The following ARHGAP6 variants were observed in gnomAD, a reference collection of about 807,000 sequenced individuals.
ARHGAP6 encodes Rho GTPase activating protein 6.
In ARHGAP6, 16 loss-of-function variants were observed where a neutral mutation model predicts 55.7. The ratio of observed to expected loss-of-function variants is 0.29; its 90% CI spans 0.19 to 0.44. ARHGAP6 has a LOEUF of 0.44. Among genes scored for constraint, ARHGAP6 ranks in the 20% least tolerant of loss-of-function variants. The pLI, the probability that ARHGAP6 is intolerant of heterozygous loss-of-function variation, is 1.00. For missense variants in ARHGAP6, 698 were observed against 808.9 expected (o/e 0.86, Z 1.66); for synonymous variants, 382 against 360.9 (o/e 1.06, Z -0.66).
intron 1 of ARHGAP6, among the ~76,000 whole-genome samples, chrX:11,402,765 G>A (rs1189024699): frequency 8.9e-6 from 1 of 111,891 alleles, no homozygotes; most frequent in Non-Finnish European, 1.9e-5. Context: ...TAAAGCATTA[G>A]GTGTTCTGGG....
chrX:11,511,880 C>G (rs765933486), intron 1 of ARHGAP6, among the ~76,000 whole-genome samples: 9 of 111,016 alleles, frequency 8.1e-5, no homozygotes, highest in South Asian at 3.9e-4. Context: ...AGGCTGGAGT[C>G]CAGTGGCATG....
chrX:11,185,142 CTGTGTGTGTGTGTGTGTGTG>C (rs3990773), intron 5 of ARHGAP6, among the ~76,000 whole-genome samples: 2 of 95,967 alleles, frequency 2.1e-5, no homozygotes, highest in Non-Finnish European at 4.3e-5. Context: ...TGGTGCATGA[CTGTGTGTGTGTGTGTGTGTG>C]TGTGTGTGTG....
chrX:11,545,858 C>A (rs766507131), intron 1 of ARHGAP6, among the ~76,000 whole-genome samples: 2 of 111,468 alleles, frequency 1.8e-5, no homozygotes, highest in Non-Finnish European at 3.8e-5. Flanking sequence ...AAGTGAACTG[C>A]AACAAAATAA....
intron 1 of ARHGAP6, among the ~76,000 whole-genome samples, chrX:11,567,477 C>T (rs1482603488): frequency 9.6e-6 from 1 of 104,594 alleles, no homozygotes; most frequent in Non-Finnish European, 2.0e-5. Flanking sequence ...TGGCATGAAC[C>T]TGGGAGGTGG....
chrX:11,374,689 C>T (rs1246156396), intron 1 of ARHGAP6, among the ~76,000 whole-genome samples: 2 of 112,004 alleles, frequency 1.8e-5, no homozygotes, highest in African/African-American at 6.5e-5. Context: ...CACTGCTATG[C>T]GTAAGAAGTT....
At chrX:11,593,756 TAA>T (rs920061693) in intron 1 of ARHGAP6, among the ~76,000 whole-genome samples, 5 of 111,432 alleles carry the variant, frequency 4.5e-5, no homozygotes, top group Admixed American at 1.9e-4. Context: ...CTCTAAAAAA[TAA>T]AGTCTATTTA....
intron 1 of ARHGAP6, among the ~76,000 whole-genome samples, chrX:11,560,001 G>A (rs995390575): frequency 2.8e-5 from 3 of 108,028 alleles, no homozygotes; most frequent in Non-Finnish European, 3.8e-5. Context: ...TAAATCAACC[G>A]AACAACCATG....
intron 10 of ARHGAP6, 105 bp from the exon 11 acceptor site, chrX:11,144,353 A>G: frequency 9.5e-7 from 1 of 1,050,437 alleles, no homozygotes; most frequent in Non-Finnish European, 1.3e-6. Flanking sequence ...ATGCGTGGAC[A>G]CGGGCTGAAA....
chrX:11,495,254 C>G (rs186623852), intron 1 of ARHGAP6, among the ~76,000 whole-genome samples: 29 of 111,165 alleles, frequency 2.6e-4, no homozygotes, highest in African/African-American at 9.1e-4. Flanking sequence ...CCTCTGCCCC[C>G]ACCCACCCCT....
chrX:11,367,810 C>T, intron 1 of ARHGAP6: 1 of 753,310 alleles, frequency 1.3e-6, no homozygotes, highest in Non-Finnish European at 1.6e-6. Context: ...CCCTATCAGG[C>T]AGGCACATCT....
intron 1 of ARHGAP6, among the ~76,000 whole-genome samples, chrX:11,517,391 G>A (rs2050853149): frequency 9.0e-6 from 1 of 111,179 alleles, no homozygotes; most frequent in Non-Finnish European, 1.9e-5. Context: ...ACAAGGGTGT[G>A]GATGCGAGGG....
At chrX:11,446,318 T>C (rs1024544803) in intron 1 of ARHGAP6, among the ~76,000 whole-genome samples, 2 of 111,679 alleles carry the variant, frequency 1.8e-5, no homozygotes, top group African/African-American at 6.5e-5. Flanking sequence ...AGTTCCATCT[T>C]ATCTGGGCAT....
chrX:11,351,342 T>C (rs1278461822), intron 1 of ARHGAP6: 2 of 955,957 alleles, frequency 2.1e-6, no homozygotes, highest in African/African-American at 2.0e-5. Flanking sequence ...TAAACATTCA[T>C]ATCATATAAC....
At chrX:11,377,119 T>C (rs1325522376) in intron 1 of ARHGAP6, among the ~76,000 whole-genome samples, 1 of 112,303 alleles carries the variant, frequency 8.9e-6, no homozygotes, top group East Asian at 2.8e-4. Context: ...AAATGATCAA[T>C]CCCTCTGTTA....
chrX:11,452,031 A>G (rs2050148150), intron 1 of ARHGAP6, among the ~76,000 whole-genome samples: 3 of 112,738 alleles, frequency 2.7e-5, no homozygotes, highest in African/African-American at 9.7e-5. Flanking sequence ...GAAATCCTAA[A>G]TATTCCATCA....
At chrX:11,341,974 C>T (rs1168586192) in intron 1 of ARHGAP6, among the ~76,000 whole-genome samples, 3 of 98,708 alleles carry the variant, frequency 3.0e-5, no homozygotes, top group Non-Finnish European at 6.2e-5. Context: ...CCCCCACTGA[C>T]TTTCATCCAT....
chrX:11,572,479 A>G (rs376580303), intron 1 of ARHGAP6, among the ~76,000 whole-genome samples: 3 of 110,654 alleles, frequency 2.7e-5, no homozygotes, highest in Non-Finnish European at 5.7e-5. Flanking sequence ...GAGAATGATG[A>G]TTTCCAATTT....
chrX:11,516,761 T>C (rs945917494), intron 1 of ARHGAP6, among the ~76,000 whole-genome samples: 1 of 111,951 alleles, frequency 8.9e-6, no homozygotes, highest in Non-Finnish European at 1.9e-5. Context: ...CAAGGTCACA[T>C]TGCTAGTAAA....
At chrX:11,215,339 C>G (rs771818176) in intron 2 of ARHGAP6, among the ~76,000 whole-genome samples, 18 of 112,824 alleles carry the variant, frequency 1.6e-4, no homozygotes, top group Non-Finnish European at 2.8e-4. Context: ...GGAGCAGGGC[C>G]GAGCTCTGTC....
Sources: gnomAD v4.1 joint callset for allele counts (sites outside exome capture counted in the v4.1 genomes callset) on GRCh38, gnomAD v4.1.1 for gene constraint, MANE v1.5 for transcripts, NCBI Gene and HGNC (gene_info 2026-07-23, HGNC 2026-07-21) for gene names.